SEMA3D: variants seen among roughly 807,000 people sequenced by gnomAD.
The protein encoded by SEMA3D is semaphorin-3D.
A neutral mutation model predicts 100.1 loss-of-function variants in SEMA3D; 84 were observed. The ratio of observed to expected loss-of-function variants is 0.84; its 90% CI spans 0.70 to 1.01. The LOEUF (loss-of-function observed/expected upper bound fraction) is 1.01. SEMA3D is among the 50% of genes least tolerant of loss of function. SEMA3D has a pLI of 0.00. For synonymous variants in SEMA3D, 312 were observed against 320.7 expected (o/e 0.97, Z 0.29); for missense variants, 875 against 934.1 (o/e 0.94, Z 0.82).
chr7:85,238,639 A>C, the SEMA3D span, among the ~76,000 whole-genome samples: 1 of 152,010 alleles, frequency 6.6e-6, no homozygotes, highest in Non-Finnish European at 1.5e-5. Flanking sequence ...CAATACTCCT[A>C]CTTTGCTTTC....
At chr7:85,143,988 G>C (rs1238500047) in intron 2 of SEMA3D, among the ~76,000 whole-genome samples, 2 of 151,966 alleles carry the variant, frequency 1.3e-5, no homozygotes, top group Non-Finnish European at 2.9e-5. Context: ...TGGGATTACA[G>C]GCATGAGGCA....
chr7:85,057,546 C>T (rs777244550), intron 8 of SEMA3D, among the ~76,000 whole-genome samples: 23 of 152,232 alleles, frequency 1.5e-4, no homozygotes, highest in Admixed American at 4.6e-4. Context: ...GATTGCTGTG[C>T]GCCCCAGGTG....
intron 3 of SEMA3D, among the ~76,000 whole-genome samples, 194 bp from the exon 4 acceptor site, chr7:85,098,159 A>G (rs550202193): frequency 1.3e-5 from 2 of 151,968 alleles, no homozygotes; most frequent in South Asian, 4.1e-4. Context: ...GCCTAAATAT[A>G]CATATTGTCC....
the SEMA3D span, among the ~76,000 whole-genome samples, chr7:85,209,021 A>C: frequency 2.0e-5 from 3 of 152,178 alleles, no homozygotes; most frequent in East Asian, 3.9e-4. Context: ...CAGAGATTAA[A>C]GCTACAACAC....
chr7:85,190,041 A>T (rs2534868), upstream of SEMA3D, among the ~76,000 whole-genome samples: 1 of 151,896 alleles, frequency 6.6e-6, no homozygotes, highest in East Asian at 1.9e-4. Context: ...CTACCTCTGA[A>T]CAGAAGACAG....
At chr7:85,195,363 A>G in the SEMA3D span, among the ~76,000 whole-genome samples, 2 of 152,184 alleles carry the variant, frequency 1.3e-5, no homozygotes, top group Non-Finnish European at 2.9e-5. Context: ...GATATTCTAT[A>G]ATCCCCAGAC....
At chr7:85,046,761 T>C (rs1490834287) in intron 9 of SEMA3D, among the ~76,000 whole-genome samples, 1 of 151,812 alleles carries the variant, frequency 6.6e-6, no homozygotes, top group Non-Finnish European at 1.5e-5. Context: ...ATCCACACAA[T>C]CTCCTCTAAG....
At chr7:85,152,851 G>A (rs1790467041) in intron 2 of SEMA3D, among the ~76,000 whole-genome samples, 1 of 152,078 alleles carries the variant, frequency 6.6e-6, no homozygotes, top group Admixed American at 6.6e-5. Context: ...TAGTTCTGGA[G>A]CTAAAGCAAA....
the SEMA3D span, among the ~76,000 whole-genome samples, chr7:85,218,267 A>G: frequency 2.6e-5 from 4 of 152,094 alleles, no homozygotes; most frequent in Non-Finnish European, 4.4e-5. Context: ...AAACTATCAA[A>G]ATGTATTCTT....
intron 3 of SEMA3D, among the ~76,000 whole-genome samples, chr7:85,102,308 A>G (rs1333116376): frequency 6.6e-6 from 1 of 152,108 alleles, no homozygotes; most frequent in South Asian, 2.1e-4. Context: ...TTGCACGTAC[A>G]TACTGCACTT....
intron 8 of SEMA3D, among the ~76,000 whole-genome samples, chr7:85,062,566 T>C (rs1276886210): frequency 2.0e-5 from 3 of 152,078 alleles, no homozygotes; most frequent in Non-Finnish European, 4.4e-5. Context: ...AAAATGGATA[T>C]TGAAGGACAG....
At chr7:85,166,207 T>C (rs756445841) in intron 1 of SEMA3D, among the ~76,000 whole-genome samples, 2 of 152,018 alleles carry the variant, frequency 1.3e-5, no homozygotes, top group Non-Finnish European at 2.9e-5. Context: ...ATGTTGTTAG[T>C]TTTGCTTAAA....
chr7:85,062,146 C>T lies in SEMA3D; in HGVS notation c.718+3278G>A, dbSNP rs1275371722. Among the ~76,000 whole-genome samples, 9 of 152,288 alleles carry T rather than the reference C, an allele frequency of 5.9e-5. No individual in the cohort carries two copies. In the South Asian group the frequency reaches 1.0e-3, roughly 18 times the overall value. On this transcript the variant is annotated intron_variant, in intron 8 of 18. Transcript: ENST00000284136. ...CATATTCGAGCTTCAATCTCACCTC[C>T]GCTAGCTGTTTAACTATGAACTATT...
chr7:85,052,204 A>C (rs1478804711), intron 9 of SEMA3D, among the ~76,000 whole-genome samples: 2 of 151,970 alleles, frequency 1.3e-5, no homozygotes, highest in Non-Finnish European at 2.9e-5. Context: ...CAGGTCTCCC[A>C]GTCACAAATA....
At chr7:85,148,312 T>C (rs1027122712) in intron 2 of SEMA3D, among the ~76,000 whole-genome samples, 2 of 152,166 alleles carry the variant, frequency 1.3e-5, no homozygotes, top group Admixed American at 1.3e-4. Flanking sequence ...TTACTATTCA[T>C]CTTAATATGA....
At chr7:85,194,614 A>C in the SEMA3D span, among the ~76,000 whole-genome samples, 1 of 152,134 alleles carries the variant, frequency 6.6e-6, no homozygotes, top group Non-Finnish European at 1.5e-5. Context: ...GCTTTCTCCC[A>C]ATGGTAGCAT....
intron 2 of SEMA3D, among the ~76,000 whole-genome samples, 156 bp from the exon 3 acceptor site, chr7:85,122,087 G>C (rs553413720): frequency 6.6e-6 from 1 of 151,926 alleles, no homozygotes; most frequent in Non-Finnish European, 1.5e-5. Context: ...GGGCCTGTTG[G>C]GGGCTGGGGG....
intron 2 of SEMA3D, among the ~76,000 whole-genome samples, chr7:85,133,211 C>A (rs115856625): frequency 1.8e-3 from 280 of 152,006 alleles, no homozygotes; most frequent in African/African-American, 6.5e-3. Context: ...CCCTTATCGC[C>A]CTCCTTATCT....
At chr7:85,098,854 G>A (rs1031143178) in intron 3 of SEMA3D, among the ~76,000 whole-genome samples, 5 of 150,670 alleles carry the variant, frequency 3.3e-5, no homozygotes, top group Non-Finnish European at 5.9e-5. Flanking sequence ...ACCCCTCCCC[G>A]TGGCAATCAC....
Sources: allele counts gnomAD v4.1 joint callset (sites outside exome capture counted in the v4.1 genomes callset), GRCh38; gene constraint gnomAD v4.1.1; transcripts MANE v1.5; gene names NCBI Gene and HGNC (gene_info 2026-07-23, HGNC 2026-07-21).